Variants in PLEKHG1 observed in about 807,000 individuals in gnomAD.
The protein encoded by PLEKHG1 is pleckstrin homology and RhoGEF domain containing G1, also known as pleckstrin homology domain-containing family G member 1.
A neutral mutation model predicts 100.8 loss-of-function variants in PLEKHG1; 44 were observed. That is an observed-to-expected ratio of 0.44 (90% CI 0.34 to 0.56). The LOEUF (loss-of-function observed/expected upper bound fraction) is 0.56. Among genes scored for constraint, PLEKHG1 ranks in the 20% least tolerant of loss-of-function variants. The pLI is 0.01. For missense variants in PLEKHG1, 1,545 were observed against 1,720.9 expected, an observed-to-expected ratio of 0.90 and a Z score of 1.81; for synonymous variants, 640 against 662.5, an observed-to-expected ratio of 0.97 and a Z score of 0.52.
rs571327577 is a variant in PLEKHG1, at chr6:150,705,929, A to G, written c.-98-27655A>G. Among the ~76,000 whole-genome samples, 15 of 152,276 alleles carry G rather than the reference A, an allele frequency of 9.9e-5. No homozygotes were observed. In the South Asian group the frequency reaches 2.3e-3, roughly 23 times the overall value. On this transcript the variant is annotated intron_variant, in intron 3 of 3. Coordinates refer to the PLEKHG1 transcript ENST00000367326. The stretch of plus-strand genomic sequence containing the variant: ...ATGCTGCTGATGAACTAATGCCTCT[A>G]GGTGCCGTCTTAAATGATCAATGTC...
At chr6:150,840,370 A>C in exon 16 of PLEKHG1, 1 of 1,614,222 alleles carries the variant, frequency 6.2e-7, no homozygotes, top group Admixed American at 1.7e-5. Context: ...CTGTCTTTAC[A>C]CAGAAGTTCA....
At chr6:150,786,489 TGAGACA>T in intron 4 of PLEKHG1, 30 bp downstream of exon 5, 1 of 1,414,334 alleles carries the variant, frequency 7.1e-7, no homozygotes, top group Non-Finnish European at 1.0e-6. Context: ...CTGGGCCAAC[TGAGACA>T]GATACAGAGT....
chr6:150,791,472 G>T (rs1416930064), intron 4 of PLEKHG1, among the ~76,000 whole-genome samples: 1 of 151,868 alleles, frequency 6.6e-6, no homozygotes, highest in African/African-American at 2.4e-5. Flanking sequence ...GACCAGCCTG[G>T]CAAATATGGC....
At chr6:150,809,131 G>C (rs1485153677) in exon 8 of PLEKHG1, 2 of 1,614,062 alleles carry the variant, frequency 1.2e-6, no homozygotes, top group South Asian at 2.2e-5. Context: ...TCACTAACTG[G>C]AAGGGGCCAG....
intron 3 of PLEKHG1, among the ~76,000 whole-genome samples, chr6:150,692,717 C>A (rs1191436376): frequency 2.0e-5 from 3 of 152,196 alleles, no homozygotes; most frequent in Non-Finnish European, 4.4e-5. Context: ...ATTGAGGATA[C>A]TTTCAACTCT....
In PLEKHG1 at chr6:150,702,013, C is replaced by T. The variant is rs1015360724; in HGVS notation, c.-98-31571C>T. On this transcript the variant is annotated intron_variant, in intron 3 of 3. Coordinates refer to the PLEKHG1 transcript ENST00000367326. ...AAATCTATGATCATACAGTAAGTCA[C>T]AAGTCAAAGATTGGAAACTTGTATC... Among the ~76,000 whole-genome samples, 22 of 152,196 alleles carry T rather than the reference C, an allele frequency of 1.4e-4. 1 individual carries two copies. The highest frequency in any genetic ancestry group is 4.1e-4 in the South Asian group (2 of 4,832).
At chr6:150,612,534 T>C (rs1776897500) in intron 1 of PLEKHG1, among the ~76,000 whole-genome samples, 1 of 152,140 alleles carries the variant, frequency 6.6e-6, no homozygotes, top group Non-Finnish European at 1.5e-5. Context: ...GGTTTTGCCA[T>C]GTTGTCCAGG....
At chr6:150,769,894 G>A (rs987020034) in intron 3 of PLEKHG1, among the ~76,000 whole-genome samples, 1 of 152,072 alleles carries the variant, frequency 6.6e-6, no homozygotes, top group Admixed American at 6.6e-5. Context: ...TATTATGCCT[G>A]TTGTTCCTTT....
chr6:150,742,005 G>A (rs557717680), intron 2 of PLEKHG1, among the ~76,000 whole-genome samples: 1 of 152,298 alleles, frequency 6.6e-6, no homozygotes, highest in South Asian at 2.1e-4. Flanking sequence ...GGACAAAATT[G>A]TCCCTGGTTG....
chr6:150,707,106 G>A (rs577943959), intron 3 of PLEKHG1, among the ~76,000 whole-genome samples: 46 of 144,622 alleles, frequency 3.2e-4, no homozygotes, highest in African/African-American at 1.2e-3. Context: ...CCAGGTTCAA[G>A]CGATTCTCCT....
At chr6:150,811,861 G>A (rs1207334052) in intron 10 of PLEKHG1, among the ~76,000 whole-genome samples, 2 of 152,144 alleles carry the variant, frequency 1.3e-5, no homozygotes, top group Non-Finnish European at 2.9e-5. Context: ...AGTCAGTCCT[G>A]TGTTCTGAGA....
At chr6:150,783,151 G>T (rs370299248) in intron 3 of PLEKHG1, among the ~76,000 whole-genome samples, 4 of 86,048 alleles carry the variant, frequency 4.6e-5, no homozygotes, top group Non-Finnish European at 9.3e-5. Context: ...ATCAATAAAA[G>T]AAATGGGGAA....
intron 3 of PLEKHG1, among the ~76,000 whole-genome samples, chr6:150,715,998 C>T (rs1781418377): frequency 6.7e-6 from 1 of 148,760 alleles, no homozygotes; most frequent in Non-Finnish European, 1.5e-5. Flanking sequence ...GTCCCAGCTA[C>T]TCGGGAGGCT....
At chr6:150,651,935 A>C (rs1778762526) in intron 3 of PLEKHG1, 3 of 152,242 alleles carry the variant, frequency 2.0e-5, no homozygotes, top group South Asian at 4.1e-4. Flanking sequence ...AAAATTAAAG[A>C]AAATGCGTAC....
intron 1 of PLEKHG1, among the ~76,000 whole-genome samples, chr6:150,634,105 G>C (rs1029117377): frequency 1.3e-5 from 2 of 151,832 alleles, no homozygotes; most frequent in African/African-American, 4.8e-5. Context: ...AAATCCGGGC[G>C]TGGTGGCAGG....
chr6:150,685,919 T>G (rs1210932092), intron 3 of PLEKHG1, among the ~76,000 whole-genome samples: 1 of 152,192 alleles, frequency 6.6e-6, no homozygotes, highest in Non-Finnish European at 1.5e-5. Context: ...CAACAGTAAA[T>G]GATACCAAAA....
At chr6:150,607,734 A>G (rs1337062768) in intron 1 of PLEKHG1, among the ~76,000 whole-genome samples, 2 of 152,144 alleles carry the variant, frequency 1.3e-5, no homozygotes, top group Non-Finnish European at 2.9e-5. Flanking sequence ...CTTTCCCAAC[A>G]TGTGTGAGAG....
rs147327374 is a variant in PLEKHG1, at chr6:150,664,685, C to T, written c.-99+13899C>T. Among the ~76,000 whole-genome samples the T allele has an allele frequency of 4.1e-3, 629 of 152,176 alleles. 4 individuals carry two copies. The highest frequency in any genetic ancestry group is 0.014 in the African/African-American group (577 of 41,512). ...TGGTGTCTTCTTCTCTGGTCCAGGT[C>T]GCTGAATCTCCTTGACTGGAAGGTG... On this transcript the variant is annotated intron_variant, in intron 3 of 3. Coordinates refer to the PLEKHG1 transcript ENST00000367326.
At chr6:150,740,584 GA>G (rs1257816062) in intron 2 of PLEKHG1, among the ~76,000 whole-genome samples, 1 of 152,188 alleles carries the variant, frequency 6.6e-6, no homozygotes, top group African/African-American at 2.4e-5. Flanking sequence ...AATACCGAGG[GA>G]GAAAAATGTG....
Sources: allele counts gnomAD v4.1 joint callset (sites outside exome capture counted in the v4.1 genomes callset), GRCh38; gene constraint gnomAD v4.1.1; transcripts MANE v1.5; gene names NCBI Gene and HGNC (gene_info 2026-07-23, HGNC 2026-07-21).